MAPKAP1: variants seen among roughly 807,000 people sequenced by gnomAD.
The protein encoded by MAPKAP1 is MAPK associated protein 1, also known as target of rapamycin complex 2 subunit MAPKAP1.
A neutral mutation model predicts 65.7 loss-of-function variants in MAPKAP1; 20 were observed. That is an observed-to-expected ratio of 0.30 (90% confidence interval 0.21 to 0.44). The LOEUF (loss-of-function observed/expected upper bound fraction) is 0.44. Ranked by LOEUF, MAPKAP1 falls within the 20% of genes least tolerant of loss-of-function variation. The pLI is 1.00. For synonymous variants in MAPKAP1, 222 were observed against 244.3 expected (o/e 0.91, Z 0.85); for missense variants, 423 against 648.0 (o/e 0.65, Z 3.77).
chr9:125,640,885 C>A (rs534202705), intron 4 of MAPKAP1, among the ~76,000 whole-genome samples: 1 of 152,284 alleles, frequency 6.6e-6, no homozygotes, highest in Admixed American at 6.5e-5. Flanking sequence ...CTAACATATA[C>A]AGTATTTGAC....
At position 125,597,732 on chromosome 9, in the gene MAPKAP1, A is replaced by G. The variant is rs552677555; in HGVS notation, c.499-12005T>C. 2.0e-5 allele frequency among the ~76,000 whole-genome samples: 3 copies of G among 152,352 alleles called. No individual in the cohort carries two copies. In the South Asian group the frequency reaches 6.2e-4, roughly 32 times the overall value. ...GTGTAATTTTAATGCAGAAATAAAT[A>G]TATCAGTGTATCCAGACGATGTAAT... On this transcript the variant is annotated intron_variant, in intron 4 of 11. Transcript: ENST00000265960.
intron 4 of MAPKAP1, among the ~76,000 whole-genome samples, chr9:125,645,022 C>A (rs1833685579): frequency 6.6e-6 from 1 of 152,094 alleles, no homozygotes; most frequent in Non-Finnish European, 1.5e-5. Context: ...AATCTCAAAA[C>A]CACTACAAGG....
At chr9:125,522,666 A>AT (rs763339523) in intron 7 of MAPKAP1, among the ~76,000 whole-genome samples, 14 of 152,196 alleles carry the variant, frequency 9.2e-5, no homozygotes, top group Non-Finnish European at 1.3e-4. Flanking sequence ...TCTTCACCCT[A>AT]TTGTTAGAGT....
At chr9:125,626,461 T>C (rs956178975) in intron 4 of MAPKAP1, among the ~76,000 whole-genome samples, 1 of 152,126 alleles carries the variant, frequency 6.6e-6, no homozygotes, top group African/African-American at 2.4e-5. Context: ...GTCATGCCAA[T>C]GTTTAGACCT....
intron 6 of MAPKAP1, among the ~76,000 whole-genome samples, chr9:125,557,626 A>T (rs1208782502): frequency 6.6e-6 from 1 of 152,170 alleles, no homozygotes; most frequent in Non-Finnish European, 1.5e-5. Context: ...ATAGATAATG[A>T]CCATCATCAT....
rs956052124 is a variant in MAPKAP1 at position 125,661,195 on chromosome 9, G to A, written c.350-3396C>T. ...CAGATTGGCAAAAATCTAAAGATTT[G>A]AGGCTCTGAGGACATAGACACTCTG... is the stretch of plus-strand genomic sequence containing the variant. On this transcript the variant is annotated intron_variant, in intron 3 of 11. Transcript: ENST00000265960. 2.0e-5 allele frequency among the ~76,000 whole-genome samples: 3 copies of A among 152,268 alleles called. No individual in the cohort carries two copies. In the South Asian group the frequency reaches 6.2e-4, roughly 32 times the overall value.
intron 10 of MAPKAP1, among the ~76,000 whole-genome samples, chr9:125,449,084 C>T (rs1475225654): frequency 1.3e-5 from 2 of 151,132 alleles, no homozygotes; most frequent in African/African-American, 4.9e-5. Flanking sequence ...TTTAATATTC[C>T]AATTAGTTCA....
intron 8 of MAPKAP1, among the ~76,000 whole-genome samples, chr9:125,494,806 T>C (rs375440245): frequency 1.1e-4 from 17 of 152,180 alleles, no homozygotes; most frequent in African/African-American, 3.9e-4. Context: ...AAGCCTCTCA[T>C]TCTTCTCACC....
At chr9:125,454,309 C>T (rs1380715323) in intron 10 of MAPKAP1, among the ~76,000 whole-genome samples, 1 of 152,166 alleles carries the variant, frequency 6.6e-6, no homozygotes, top group Non-Finnish European at 1.5e-5. Context: ...AGATAAGAAA[C>T]AAGTTCTGCA....
In MAPKAP1 at chr9:125,586,309, C is replaced by T. The variant is rs144989353; in HGVS notation, c.499-582G>A. ...AACCCCACACTGCTGGATATATTCCCACTCCCTCCCACACACCTACCACTC... is the reference window on the plus strand; with the variant it reads ...AACCCCACACTGCTGGATATATTCCTACTCCCTCCCACACACCTACCACTC... On this transcript the variant is annotated intron_variant, in intron 4 of 11. Coordinates refer to ENST00000265960, the MANE Select transcript of MAPKAP1 (RefSeq NM_001006617.3). 3.4e-3 allele frequency among the ~76,000 whole-genome samples: 518 copies of T among 152,200 alleles called. 3 individuals are homozygous for T. The highest frequency in any genetic ancestry group is 0.012 in the African/African-American group (486 of 41,514).
intron 10 of MAPKAP1, among the ~76,000 whole-genome samples, chr9:125,452,995 C>T (rs534394227): frequency 6.6e-6 from 1 of 152,222 alleles, no homozygotes; most frequent in Non-Finnish European, 1.5e-5. Flanking sequence ...TACAAATTAA[C>T]ATATTTTAAA....
intron 5 of MAPKAP1, among the ~76,000 whole-genome samples, chr9:125,583,113 C>A (rs1261298420): frequency 1.3e-5 from 2 of 152,178 alleles, no homozygotes; most frequent in African/African-American, 4.8e-5. Flanking sequence ...TATTAAAGTA[C>A]AAATATGTTA....
At chr9:125,528,136 A>AG (rs1461350689) in intron 7 of MAPKAP1, among the ~76,000 whole-genome samples, 1 of 152,098 alleles carries the variant, frequency 6.6e-6, no homozygotes, top group Non-Finnish European at 1.5e-5. Context: ...CTCAAGGAAA[A>AG]GCGGGGGCTC....
At chr9:125,489,245 A>G (rs2133048161) in intron 8 of MAPKAP1, among the ~76,000 whole-genome samples, 1 of 152,374 alleles carries the variant, frequency 6.6e-6, no homozygotes, top group Admixed American at 6.5e-5. Context: ...TTGTTAAATT[A>G]GCAAATAAAA....
chr9:125,660,639 C>T (rs1834157454), intron 3 of MAPKAP1, among the ~76,000 whole-genome samples: 1 of 152,170 alleles, frequency 6.6e-6, no homozygotes, highest in Non-Finnish European at 1.5e-5. Flanking sequence ...AGCTCCCACT[C>T]CCACAGTCTC....
chr9:125,442,589 G>A (rs926909136), intron 11 of MAPKAP1, among the ~76,000 whole-genome samples: 3 of 149,520 alleles, frequency 2.0e-5, no homozygotes, highest in African/African-American at 4.9e-5. Flanking sequence ...ATATTTCTCT[G>A]CCAGGTCCCT....
At chr9:125,693,854 C>T (rs963829244) in intron 1 of MAPKAP1, among the ~76,000 whole-genome samples, 3 of 150,278 alleles carry the variant, frequency 2.0e-5, no homozygotes, top group African/African-American at 4.9e-5. Context: ...CATACACACA[C>T]ACACACACAC....
At position 125,545,984 on chromosome 9, in the gene MAPKAP1, G is replaced by A. The variant is rs114838936; in HGVS notation, c.849-2816C>T. On this transcript the variant is annotated intron_variant, in intron 6 of 11. Coordinates refer to ENST00000265960, the MANE Select transcript of MAPKAP1 (RefSeq NM_001006617.3). Reference sequence around the variant, plus strand: ...ATATGTATCACCATGCTACACCTGCGGACGCTTCCGAGCGGCTGCCATGTC... The same window carrying A: ...ATATGTATCACCATGCTACACCTGCAGACGCTTCCGAGCGGCTGCCATGTC... 5.0e-3 allele frequency among the ~76,000 whole-genome samples: 755 copies of A among 152,270 alleles called. 6 individuals are homozygous for A. Among genetic ancestry groups the A allele is most frequent in the African/African-American group, 0.017 (713 of 41,532 alleles).
intron 5 of MAPKAP1, among the ~76,000 whole-genome samples, chr9:125,563,730 T>TA (rs398113893): frequency 0.17 from 26,149 of 151,292 alleles, 2,743 homozygotes; most frequent in Non-Finnish European, 0.24. Flanking sequence ...TTATTATTAT[T>TA]TTTGAGATGG....
Sources: gnomAD v4.1 joint callset for allele counts (sites outside exome capture counted in the v4.1 genomes callset) on GRCh38, gnomAD v4.1.1 for gene constraint, MANE v1.5 for transcripts, NCBI Gene and HGNC (gene_info 2026-07-23, HGNC 2026-07-21) for gene names.